RYR2: variants seen among roughly 807,000 people sequenced by gnomAD.
RYR2 encodes ryanodine receptor 2, also known as cardiac muscle ryanodine receptor-calcium release channel.
RYR2 carries 227 observed loss-of-function variants against 601.1 expected under a neutral mutation model. The ratio of observed to expected loss-of-function variants is 0.38; its 90% CI spans 0.34 to 0.42. RYR2 has a LOEUF of 0.42. Ranked by LOEUF, RYR2 falls within the 10% of genes least tolerant of loss-of-function variation. The pLI, the probability that RYR2 is intolerant of heterozygous loss-of-function variation, is 1.00. For missense variants in RYR2, 4,646 were observed against 6,156.5 expected (o/e 0.75, Z 8.21); for synonymous variants, 2,223 against 2,175.1 (o/e 1.02, Z -0.61).
Position 237,643,337 on chromosome 1 carries a change from C to T in RYR2, c.7232C>T (p.Ala2411Val), listed in dbSNP as rs781674330. Residue 2411 changes from alanine (A) to valine (V), a missense_variant, in exon 48 of 105, where the codon GCC becomes GTC. By Grantham distance (64) the Ala-to-Val change is moderately conservative. Around this residue, in one of 17 missense-constraint regions of RYR2, gnomAD observed 1,497 missense variants for 1,842.6 expected, o/e 0.81. Transcript: ENST00000366574. Reference protein sequence around the residue: ...RCAPEMHLIHAGKGEAIRIRS... With the variant: ...RCAPEMHLIHVGKGEAIRIRS... ...TTTTCCCCTGTATAGTTGATTCATG[C>T]CGGGAAGGGAGAAGCCATCAGAATT... 1.2e-6 allele frequency: 2 copies of T among 1,613,272 alleles called. No individual in the cohort carries two copies. The highest frequency in any genetic ancestry group is 1.7e-5 in the Admixed American group (1 of 59,990).
chr1:237,272,727 C>G (rs1262195543), intron 2 of RYR2, among the ~76,000 whole-genome samples: 1 of 150,670 alleles, frequency 6.6e-6, no homozygotes, highest in Admixed American at 6.6e-5. Context: ...TAAAAATGAA[C>G]TAAAAGAAAT....
chr1:237,266,192 G>C (rs1230047489), intron 1 of RYR2, among the ~76,000 whole-genome samples: 4 of 152,164 alleles, frequency 2.6e-5, no homozygotes, highest in Non-Finnish European at 5.9e-5. Flanking sequence ...GAATAGCAAA[G>C]ACTAATTCGG....
At chr1:237,211,062 A>G (rs1049437732) in intron 1 of RYR2, among the ~76,000 whole-genome samples, 3 of 152,150 alleles carry the variant, frequency 2.0e-5, no homozygotes, top group Admixed American at 1.3e-4. Flanking sequence ...ACCATGTTCA[A>G]TCTCAGCCTG....
rs1276861389 is a variant in RYR2, at chr1:237,463,824, C to G, written c.1613-5268C>G. ...TTGCACTTCGAAGATGACAGTGGTG[C>G]TCTGAGACATCTCATAATGAAAGCC... is the stretch of plus-strand genomic sequence containing the variant. On this transcript the variant is annotated intron_variant, in intron 16 of 104. Transcript: ENST00000366574. Among the ~76,000 whole-genome samples the G allele has an allele frequency of 2.6e-5, 4 of 152,130 alleles. No individual in the cohort carries two copies. The East Asian group carries it at 7.7e-4, about 29-fold the overall frequency.
chr1:237,706,921 T>G, intron 67 of RYR2, 28 bp from the exon 68 acceptor site: 1 of 1,560,824 alleles, frequency 6.4e-7, no homozygotes, highest in Non-Finnish European at 8.8e-7. Flanking sequence ...TCTTTGAATA[T>G]CATCCATTTT....
intron 2 of RYR2, among the ~76,000 whole-genome samples, chr1:237,314,121 G>A (rs983860523): frequency 7.4e-6 from 1 of 134,614 alleles, no homozygotes; most frequent in Non-Finnish European, 1.5e-5. Flanking sequence ...CTGGAGTGCA[G>A]TGGCACAATC....
chr1:237,083,283 A>T (rs1665953106), intron 1 of RYR2, among the ~76,000 whole-genome samples: 1 of 152,168 alleles, frequency 6.6e-6, no homozygotes. Context: ...AAGTGGTGGC[A>T]TTTGGGCAGC....
rs115255308 is a variant in RYR2, at chr1:237,696,179, C to G, written c.9068-2786C>G. On this transcript the variant is annotated intron_variant, in intron 63 of 104. Coordinates refer to ENST00000366574, the MANE Select transcript of RYR2 (RefSeq NM_001035.3). ...GAAAAGGGCACAGGAAAACTCAGTA[C>G]CAAGTACAAACACTGATAATCTATA... Among the ~76,000 whole-genome samples the G allele has an allele frequency of 4.9e-3, 743 of 152,180 alleles. 5 individuals carry two copies. Among genetic ancestry groups the G allele is most frequent in the African/African-American group, 0.017 (710 of 41,506 alleles).
At chr1:237,148,335 C>A (rs1420373748) in intron 1 of RYR2, among the ~76,000 whole-genome samples, 1 of 151,692 alleles carries the variant, frequency 6.6e-6, no homozygotes, top group East Asian at 1.9e-4. Context: ...AGGGGAACAT[C>A]ACACACTGGG....
intron 1 of RYR2, among the ~76,000 whole-genome samples, chr1:237,147,138 A>G (rs980012421): frequency 6.6e-6 from 1 of 152,196 alleles, no homozygotes; most frequent in Non-Finnish European, 1.5e-5. Flanking sequence ...TTACTTAAAA[A>G]TATTAAGTGC....
At chr1:237,320,103 TA>T (rs1162572635) in intron 2 of RYR2, among the ~76,000 whole-genome samples, 1 of 152,210 alleles carries the variant, frequency 6.6e-6, no homozygotes, top group Non-Finnish European at 1.5e-5. Context: ...TTTTTAAGCA[TA>T]AAAGTTTCTT....
At chr1:237,211,130 G>T (rs970013237) in intron 1 of RYR2, among the ~76,000 whole-genome samples, 8 of 152,162 alleles carry the variant, frequency 5.3e-5, no homozygotes, top group Non-Finnish European at 1.2e-4. Context: ...CACGGACGCG[G>T]ATGCATTTTA....
In RYR2 at chr1:237,073,258, C is replaced by T. The variant is rs529458163; in HGVS notation, c.48+30689C>T. Among the ~76,000 whole-genome samples, 12 of 152,244 alleles carry T rather than the reference C, an allele frequency of 7.9e-5. No individual in the cohort carries two copies. The South Asian group carries it at 1.9e-3, about 24-fold the overall frequency. On this transcript the variant is annotated intron_variant, in intron 1 of 104. Transcript: ENST00000366574. ...AGATAGGGGCCCTGCTTTGGATGGGCCTCTCTCTCGAGCAGACAAGGAAGA... is the reference window on the plus strand; with the variant it reads ...AGATAGGGGCCCTGCTTTGGATGGGTCTCTCTCTCGAGCAGACAAGGAAGA...
At chr1:237,233,143 C>T (rs1182900499) in intron 1 of RYR2, among the ~76,000 whole-genome samples, 2 of 152,164 alleles carry the variant, frequency 1.3e-5, no homozygotes, top group Non-Finnish European at 2.9e-5. Flanking sequence ...GAAACACCAC[C>T]TTCACTTAGG....
chr1:237,641,103 A>C (rs1681421011), intron 47 of RYR2, 101 bp downstream of exon 47: 2 of 685,358 alleles, frequency 2.9e-6, no homozygotes, highest in Admixed American at 6.4e-5. Context: ...AATAATCTTC[A>C]TGCTCCATTA....
chr1:237,087,631 T>C (rs1447803511), intron 1 of RYR2, among the ~76,000 whole-genome samples: 1 of 152,108 alleles, frequency 6.6e-6, no homozygotes, highest in Non-Finnish European at 1.5e-5. Context: ...TATATCTTGT[T>C]AGAAACCAAG....
chr1:237,243,033 C>T (rs1283725187), intron 1 of RYR2, among the ~76,000 whole-genome samples: 2 of 152,032 alleles, frequency 1.3e-5, no homozygotes, highest in African/African-American at 4.8e-5. Flanking sequence ...GTGTTGGCTT[C>T]GTATGCAGGC....
intron 42 of RYR2, 72 bp downstream of exon 42, chr1:237,631,613 ATTTTTT>A (rs556269614): frequency 5.2e-4 from 108 of 208,452 alleles, no homozygotes; most frequent in Middle Eastern, 1.8e-3. Flanking sequence ...TAGAATGCAG[ATTTTTT>A]TTTTTTTTTT....
intron 84 of RYR2, among the ~76,000 whole-genome samples, chr1:237,762,568 T>G (rs1693512418): frequency 6.6e-6 from 1 of 152,210 alleles, no homozygotes; most frequent in Non-Finnish European, 1.5e-5. Flanking sequence ...CCAAAAGGAA[T>G]AGCAGCCACT....
Sources: allele counts gnomAD v4.1 joint callset (sites outside exome capture counted in the v4.1 genomes callset), GRCh38; gene constraint gnomAD v4.1.1; regional missense constraint gnomAD v4.1.1; transcripts MANE v1.5; gene names NCBI Gene and HGNC (gene_info 2026-07-23, HGNC 2026-07-21).